Variants in CACNA1C observed in about 807,000 individuals in gnomAD.
CACNA1C encodes voltage-dependent L-type calcium channel subunit alpha-1C.
Under a neutral mutation model 229.0 loss-of-function variants are expected in CACNA1C, and 30 were observed. The ratio of observed to expected loss-of-function variants is 0.13; its 90% CI spans 0.10 to 0.18. CACNA1C has a LOEUF of 0.18. Ranked by LOEUF, CACNA1C falls within the 10% of genes least tolerant of loss-of-function variation. CACNA1C has a pLI of 1.00. For missense variants in CACNA1C, 1,658 were observed against 2,845.0 expected, an observed-to-expected ratio of 0.58 and a Z score of 9.49; for synonymous variants, 1,114 against 1,132.5, an observed-to-expected ratio of 0.98 and a Z score of 0.33.
At chr12:2,186,545 G>C (rs778205109) in intron 3 of CACNA1C, among the ~76,000 whole-genome samples, 54 of 152,136 alleles carry the variant, frequency 3.5e-4, no homozygotes, top group Non-Finnish European at 7.4e-4. Context: ...AAACCCTGGG[G>C]GTCAGGGTCT....
intron 3 of CACNA1C, among the ~76,000 whole-genome samples, chr12:2,320,168 G>A: frequency 6.6e-6 from 1 of 152,156 alleles, no homozygotes; most frequent in East Asian, 1.9e-4. Context: ...TTGAGCATTA[G>A]ATTGGGTTTC....
intron 3 of CACNA1C, chr12:2,217,386 A>G (rs2060251160): frequency 6.6e-6 from 1 of 152,256 alleles, no homozygotes; most frequent in Non-Finnish European, 1.5e-5. Context: ...TAAATTGTAC[A>G]CTTAAAAATG....
At chr12:2,671,124 C>T (rs370684979) in intron 38 of CACNA1C, among the ~76,000 whole-genome samples, 32 of 152,060 alleles carry the variant, frequency 2.1e-4, no homozygotes, top group African/African-American at 6.7e-4. Context: ...AAGCCATTCT[C>T]CTGCCTCAGC....
chr12:2,149,103 A>G (rs113613497), intron 3 of CACNA1C, among the ~76,000 whole-genome samples: 12 of 152,248 alleles, frequency 7.9e-5, no homozygotes, highest in African/African-American at 2.4e-4. Context: ...TTGCAAGATG[A>G]CATTTGGGGC....
Position 2,412,584 on chromosome 12 carries a change from C to T in CACNA1C, c.478-36392C>T, listed in dbSNP as rs577785427. ...TGAGCTGCGAGTGAGTAAGTTTGCC[C>T]TATCTCTGTCATTAATTCAATTTAA... On this transcript the variant is annotated intron_variant, in intron 3 of 46. Coordinates refer to ENST00000399655, the MANE Select transcript of CACNA1C (RefSeq NM_000719.7). Among the ~76,000 whole-genome samples the T allele has an allele frequency of 5.9e-5, 9 of 152,340 alleles. 1 individual carries two copies. In the South Asian group the frequency reaches 1.9e-3, roughly 32 times the overall value.
rs775145413 is a variant in CACNA1C, at chr12:2,593,365, A to G, written c.2663+20A>G. 3.1e-6 allele frequency: 5 copies of G among 1,612,990 alleles called. No individual in the cohort carries two copies. Among genetic ancestry groups the G allele is most frequent in the Non-Finnish European group, 1.7e-6 (2 of 1,179,590 alleles). On this transcript the variant is annotated intron_variant, in intron 19 of 46. Coordinates refer to ENST00000399655, the MANE Select transcript of CACNA1C (RefSeq NM_000719.7). ...CAACAGGTGTGCAGCAATGGTGGGGAAGGTGGGGTCCTGCTCTCTCTAGTA... is the reference window on the plus strand; with the variant it reads ...CAACAGGTGTGCAGCAATGGTGGGGGAGGTGGGGTCCTGCTCTCTCTAGTA...
chr12:2,465,562 G>A (rs777402033), intron 5 of CACNA1C, among the ~76,000 whole-genome samples: 8 of 152,182 alleles, frequency 5.3e-5, no homozygotes, highest in Non-Finnish European at 8.8e-5. Flanking sequence ...CGAAAAGGAA[G>A]TATGGGTCGT....
intron 3 of CACNA1C, among the ~76,000 whole-genome samples, chr12:2,207,802 C>CA: frequency 6.6e-6 from 1 of 151,620 alleles, no homozygotes; most frequent in Admixed American, 6.6e-5. Context: ...GCTTGGGTGA[C>CA]AGAGCCAGAC....
intron 3 of CACNA1C, among the ~76,000 whole-genome samples, chr12:2,174,863 T>TA (rs1482908914): frequency 6.6e-6 from 1 of 152,164 alleles, no homozygotes; most frequent in Non-Finnish European, 1.5e-5. Context: ...CTAAGGAAGG[T>TA]AAAATATATT....
intron 1 of CACNA1C, among the ~76,000 whole-genome samples, chr12:2,081,222 A>G (rs895805554): frequency 2.6e-5 from 4 of 152,234 alleles, no homozygotes; most frequent in African/African-American, 9.6e-5. Flanking sequence ...TGCTCAGTGA[A>G]TATCAAACTA....
intron 3 of CACNA1C, among the ~76,000 whole-genome samples, chr12:2,399,310 C>T (rs547354132): frequency 2.6e-5 from 4 of 152,266 alleles, no homozygotes; most frequent in South Asian, 4.1e-4. Flanking sequence ...AGGATCAGGG[C>T]GACAGCCTTT....
In CACNA1C at chr12:1,973,610, T is replaced by C. The variant is rs181099704; in HGVS notation, c.139+2409T>C. Among the ~76,000 whole-genome samples the C allele has an allele frequency of 3.4e-3, 514 of 152,322 alleles. 1 individual carries two copies. Among genetic ancestry groups the C allele is most frequent in the Middle Eastern group, 0.014 (4 of 294 alleles). On this transcript the variant is annotated intron_variant, in intron 1 of 46. Transcript: ENST00000682462. ...TCATCATCTTCCTAAACTGGGAACC[T>C]TGAGGTCATCTACTACCCTCAGGTT...
intron 10 of CACNA1C, among the ~76,000 whole-genome samples, chr12:2,551,814 T>G (rs1397363581): frequency 6.6e-6 from 1 of 151,256 alleles, no homozygotes; most frequent in African/African-American, 2.4e-5. Flanking sequence ...GTGCAGGTAA[T>G]GAAGAGGAAG....
At chr12:2,206,446 G>C (rs761884592) in intron 3 of CACNA1C, among the ~76,000 whole-genome samples, 1 of 152,326 alleles carries the variant, frequency 6.6e-6, no homozygotes, top group Non-Finnish European at 1.5e-5. Context: ...TTTGATTCTA[G>C]ATTTCACCGC....
intron 3 of CACNA1C, among the ~76,000 whole-genome samples, chr12:2,392,225 G>A (rs2098495579): frequency 6.6e-6 from 1 of 152,244 alleles, no homozygotes; most frequent in Non-Finnish European, 1.5e-5. Context: ...AGAGAGAAAT[G>A]TAAACGTGAG....
At position 2,605,570 on chromosome 12, in the gene CACNA1C, C is replaced by A; in HGVS notation, c.3049-109C>A. On this transcript the variant is annotated intron_variant, in intron 23 of 46. Transcript: ENST00000399655. This position sits in a 1 kb window ranked among gnomAD's most constrained non-coding sequence, Gnocchi z 6.2. ...TTTGGGAGCGTGGCTTTGCCCCTCT[C>A]AGCCCAATTACTCCCCGTTGTGGCA... 1.3e-6 allele frequency: 1 copy of A among 778,530 alleles called. No homozygotes were observed. Among genetic ancestry groups the A allele is most frequent in the Non-Finnish European group, 2.3e-6 (1 of 442,274 alleles). 48.2% of individuals were successfully genotyped at this position (778,530 alleles called of 1,614,324 possible).
chr12:2,384,738 A>G (rs2098338176), intron 3 of CACNA1C, among the ~76,000 whole-genome samples: 1 of 152,222 alleles, frequency 6.6e-6, no homozygotes, highest in South Asian at 2.1e-4. Context: ...GTGGCATAGT[A>G]TAGTACCAGT....
chr12:2,417,557 C>G (rs1025171939), intron 3 of CACNA1C, among the ~76,000 whole-genome samples: 1 of 152,230 alleles, frequency 6.6e-6, no homozygotes, highest in African/African-American at 2.4e-5. Context: ...GGGCCCTGTG[C>G]GTGTGCTGCA....
intron 3 of CACNA1C, among the ~76,000 whole-genome samples, chr12:2,203,125 C>T (rs2239026): frequency 0.34 from 51,503 of 151,710 alleles, 9,159 homozygotes; most frequent in South Asian, 0.39. Context: ...TATAGTGAAA[C>T]GTACATAGTA....
Sources: gnomAD v4.1 joint callset for allele counts (sites outside exome capture counted in the v4.1 genomes callset) on GRCh38, gnomAD v4.1.1 for gene constraint, Gnocchi (gnomAD v3.1) non-coding constraint, MANE v1.5 for transcripts, NCBI Gene and HGNC (gene_info 2026-07-23, HGNC 2026-07-21) for gene names.